RAB4B: variants seen among roughly 807,000 people sequenced by gnomAD.
The protein encoded by RAB4B is RAB4B, member RAS oncogene family.
Under a neutral mutation model 28.3 loss-of-function variants are expected in RAB4B, and 15 were observed. That is an observed-to-expected ratio of 0.53 (90% CI 0.35 to 0.82). The LOEUF (loss-of-function observed/expected upper bound fraction) is 0.82, where lower values mean the gene tolerates loss of function less well. Among genes scored for constraint, RAB4B ranks in the 40% least tolerant of loss-of-function variants. RAB4B has a pLI of 0.01. For synonymous variants in RAB4B, 108 were observed against 116.3 expected (o/e 0.93, Z 0.46); for missense variants, 244 against 288.5 (o/e 0.85, Z 1.12).
chr19:40,793,430 G>A (rs2083177184), intron 7 of RAB4B, among the ~76,000 whole-genome samples: 1 of 150,866 alleles, frequency 6.6e-6, no homozygotes, highest in South Asian at 2.1e-4. Flanking sequence ...TTGAAGAGAT[G>A]GGGTTTCACC....
chr19:40,789,855 G>A (rs2083140790), intron 7 of RAB4B, among the ~76,000 whole-genome samples: 1 of 152,214 alleles, frequency 6.6e-6, no homozygotes, highest in South Asian at 2.1e-4. Flanking sequence ...GATGACATTT[G>A]AGTGAAGGAA....
At chr19:40,789,367 TA>T (rs2083135254) in intron 7 of RAB4B, among the ~76,000 whole-genome samples, 1 of 151,204 alleles carries the variant, frequency 6.6e-6, no homozygotes, top group South Asian at 2.1e-4. Flanking sequence ...CACACCCAGC[TA>T]ATTTTGTATT....
intron 7 of RAB4B, among the ~76,000 whole-genome samples, chr19:40,794,245 C>G (rs1255382038): frequency 1.3e-5 from 2 of 151,578 alleles, no homozygotes; most frequent in Non-Finnish European, 2.9e-5. Flanking sequence ...CAGCTAATTT[C>G]TTTGTATTTT....
At chr19:40,782,740 G>C (rs1312942561) in intron 3 of RAB4B, among the ~76,000 whole-genome samples, 1 of 152,052 alleles carries the variant, frequency 6.6e-6, no homozygotes, top group African/African-American at 2.4e-5. Context: ...TTGCATCCGG[G>C]GGGCAAAGGT....
rs554267089 is a variant in RAB4B, at chr19:40,780,323, G to C, written c.98-62G>C. 73 of 1,490,860 alleles carry C rather than the reference G, an allele frequency of 4.9e-5. No individual in the cohort carries two copies. The African/African-American group carries it at 8.1e-4, about 16-fold the overall frequency. 92.4% of individuals were successfully genotyped at this position (1,490,860 alleles called of 1,614,324 possible). On this transcript the variant is annotated intron_variant, in intron 2 of 7. Coordinates refer to ENST00000357052, the MANE Select transcript of RAB4B (RefSeq NM_016154.5). ...GAGACTGAGAGGGCCTTGGAGGATGGGGGATCCTCTGAGCTGTCTCCTCTC... is the reference window on the plus strand; with the variant it reads ...GAGACTGAGAGGGCCTTGGAGGATGCGGGATCCTCTGAGCTGTCTCCTCTC...
At chr19:40,791,837 G>A (rs911875787) in intron 7 of RAB4B, among the ~76,000 whole-genome samples, 4 of 152,160 alleles carry the variant, frequency 2.6e-5, no homozygotes, top group Admixed American at 6.5e-5. Context: ...GTTTCACCAC[G>A]TTGGCCAGCT....
intron 7 of RAB4B, among the ~76,000 whole-genome samples, chr19:40,795,210 G>T (rs7252227): frequency 0.53 from 77,944 of 146,482 alleles, 21,538 homozygotes; most frequent in East Asian, 0.64. Flanking sequence ...CCAGCCAGTT[G>T]CAGGATTTCT....
Position 40,786,961 on chromosome 19 carries a change from T to C in RAB4B, c.640T>C (p.Ter214ArgextTer22). The change falls in exon 7 of 8, where the codon TGA becomes CGA. Residue 214 changes from the stop codon to arginine, a stop_lost. Transcript: ENST00000357052. ...CGTGGCCCCTCAGCCGTGTGGCTGC[T>C]GAGCTCTGTGGAGCCAGGTGGGACA... The part of the protein sequence containing the change: ...QAVAPQPCGC[*>R] 6.2e-7 allele frequency: 1 copy of C among 1,613,684 alleles called. No homozygotes were observed. The highest frequency in any genetic ancestry group is 8.5e-7 in the Non-Finnish European group (1 of 1,179,760).
chr19:40,791,186 T>G (rs1399761737), intron 7 of RAB4B, among the ~76,000 whole-genome samples: 1 of 152,128 alleles, frequency 6.6e-6, no homozygotes, highest in African/African-American at 2.4e-5. Context: ...GACAGGGTTT[T>G]GCCATGCTCG....
rs185329613 is a variant in RAB4B at position 40,793,115 on chromosome 19, T to C, written c.*16-3455T>C. 1.2e-3 allele frequency among the ~76,000 whole-genome samples: 184 copies of C among 152,222 alleles called. 3 individuals carry two copies. The highest frequency in any genetic ancestry group is 7.5e-3 in the East Asian group (39 of 5,182). The stretch of plus-strand genomic sequence containing the variant: ...ATTACTCTCAGAGGTGCCATGCTTA[T>C]ACTGCTTTGTACCTTATACCTTTGT... On this transcript the variant is annotated intron_variant, in intron 7 of 7. Transcript: ENST00000357052.
At chr19:40,778,450 T>G (rs374118013) in intron 1 of RAB4B, 59 bp downstream of exon 1, 1 of 1,389,038 alleles carries the variant, frequency 7.2e-7, no homozygotes, top group Non-Finnish European at 9.4e-7. Flanking sequence ...ATGCGGCCTG[T>G]GGGAATGGGC....
intron 7 of RAB4B, among the ~76,000 whole-genome samples, chr19:40,790,724 C>G (rs1235805296): frequency 6.8e-6 from 1 of 147,364 alleles, no homozygotes; most frequent in Non-Finnish European, 1.5e-5. Flanking sequence ...CTCTGTCACC[C>G]AGGCTAGAGT....
chr19:40,795,623 C>G (rs2083202691), intron 7 of RAB4B, among the ~76,000 whole-genome samples: 1 of 151,644 alleles, frequency 6.6e-6, no homozygotes, highest in Admixed American at 6.6e-5. Flanking sequence ...GTCTGAACTC[C>G]TGACCTTGTG....
At chr19:40,778,548 G>A (rs1438103550) in intron 1 of RAB4B, among the ~76,000 whole-genome samples, 157 bp downstream of exon 1, 4 of 152,150 alleles carry the variant, frequency 2.6e-5, no homozygotes. Flanking sequence ...GTCTGAGGCT[G>A]AGCTTAATCG....
intron 7 of RAB4B, among the ~76,000 whole-genome samples, chr19:40,793,704 T>C (rs2083181864): frequency 6.8e-6 from 1 of 146,184 alleles, no homozygotes; most frequent in Admixed American, 6.9e-5. Flanking sequence ...GGCGGGCAGA[T>C]CACGAGGTCA....
At position 40,786,892 on chromosome 19, in the gene RAB4B, G is replaced by C. The variant is rs140334186; in HGVS notation, c.571G>C (p.Asp191His). The stretch of plus-strand genomic sequence containing the variant: ...GATGGGCTCTGGCATTCAGTACGGG[G>C]ATGCGTCCCTCCGCCAGCTTCGGCA... Reference protein sequence around the residue: ...ERMGSGIQYGDASLRQLRQPR... With the variant: ...ERMGSGIQYGHASLRQLRQPR... The change falls in exon 7 of 8, where the codon GAT becomes CAT. Residue 191 changes from aspartate to histidine, a missense_variant. Physicochemically the swap from Asp to His is moderately conservative, Grantham distance 81 (BLOSUM62 -1). Coordinates refer to ENST00000357052, the MANE Select transcript of RAB4B (RefSeq NM_016154.5). The C allele has an allele frequency of 1.7e-5, 27 of 1,614,044 alleles. No homozygotes were observed. The highest frequency in any genetic ancestry group is 4.0e-5 in the African/African-American group (3 of 74,926).
rs752781231 is a variant in RAB4B at position 40,786,704 on chromosome 19, ACGT to A, written c.471_473del (p.Asn157_Val158delinsLys). 6.2e-7 allele frequency: 1 copy of A among 1,614,076 alleles called. No individual in the cohort carries two copies. The highest frequency in any genetic ancestry group is 8.5e-7 in the Non-Finnish European group (1 of 1,179,974). ...GAGACCAGCGCTCTCACAGGCGAGAACGTGGAGGAGGCGTTCCTCAAGTGTGCC... is the reference window on the plus strand; with the variant it reads ...GAGACCAGCGCTCTCACAGGCGAGAAGGAGGAGGCGTTCCTCAAGTGTGCC... On this transcript the variant is annotated inframe_deletion, in exon 6 of 8. Transcript: ENST00000357052.
intron 7 of RAB4B, among the ~76,000 whole-genome samples, chr19:40,789,216 T>G (rs888010492): frequency 6.6e-6 from 1 of 151,938 alleles, no homozygotes; most frequent in Admixed American, 6.6e-5. Context: ...TTTTTTTTTT[T>G]TCTGAGATGG....
intron 3 of RAB4B, among the ~76,000 whole-genome samples, 163 bp downstream of exon 3, chr19:40,780,662 G>A (rs1393235571): frequency 6.6e-6 from 1 of 151,798 alleles, no homozygotes; most frequent in African/African-American, 2.4e-5. Flanking sequence ...GAGAGAGGGA[G>A]TACTGGAGAG....
Sources: gnomAD v4.1 joint callset for allele counts (sites outside exome capture counted in the v4.1 genomes callset) on GRCh38, gnomAD v4.1.1 for gene constraint, MANE v1.5 for transcripts, NCBI Gene and HGNC (gene_info 2026-07-23, HGNC 2026-07-21) for gene names.